The following LILRB1 variants were observed in gnomAD, a reference collection of about 807,000 sequenced individuals.
The protein encoded by LILRB1 is leukocyte immunoglobulin like receptor B1.
Under a neutral mutation model 74.6 loss-of-function variants are expected in LILRB1, and 59 were observed. The ratio of observed to expected loss-of-function variants is 0.79; its 90% confidence interval spans 0.64 to 0.98. The LOEUF is 0.98. LILRB1 is among the 50% of genes least tolerant of loss of function. LILRB1 has a pLI of 0.00. For missense variants in LILRB1, 804 were observed against 822.6 expected, an observed-to-expected ratio of 0.98 and a Z score of 0.28; for synonymous variants, 328 against 333.9, an observed-to-expected ratio of 0.98 and a Z score of 0.19.
At chr19:54,634,167 A>C in intron 9 of LILRB1, 146 bp downstream of exon 9, 2 of 1,516,172 alleles carry the variant, frequency 1.3e-6, no homozygotes, top group Non-Finnish European at 1.8e-6. Flanking sequence ...TGTAAAGGTG[A>C]GAGGCCTGCG....
chr19:54,617,553 C>CTGTGTGTGTG (rs55635122), intron 1 of LILRB1, among the ~76,000 whole-genome samples: 2,817 of 143,266 alleles, frequency 0.02, 34 homozygotes, highest in African/African-American at 0.039. Context: ...TACAGGATGT[C>CTGTGTGTGTG]TGTGTGTGTG....
At chr19:54,627,916 T>C (rs899827216), upstream of LILRB1, among the ~76,000 whole-genome samples, 3 of 152,176 alleles carry the variant, frequency 2.0e-5, no homozygotes, top group Non-Finnish European at 2.9e-5. Context: ...CACTTGAACA[T>C]AAATTTAATT....
intron 4 of LILRB1, 31 bp from the exon 5 acceptor site, chr19:54,631,904 A>G (rs777749948): frequency 1.3e-6 from 2 of 1,594,998 alleles, no homozygotes; most frequent in Non-Finnish European, 1.7e-6. Flanking sequence ...GGTCTGAGCC[A>G]CATTTAACAC....
At chr19:54,634,448 G>T in intron 9 of LILRB1, 193 bp from the exon 10 acceptor site, 1 of 1,521,380 alleles carries the variant, frequency 6.6e-7, no homozygotes, top group Non-Finnish European at 8.9e-7. Flanking sequence ...TTCCTGGCTG[G>T]GGGCCCCGGG....
At chr19:54,626,517 T>C (rs7257593), upstream of LILRB1, among the ~76,000 whole-genome samples, 8,630 of 152,330 alleles carry the variant, frequency 0.057, 278 homozygotes, top group Non-Finnish European at 0.063. Flanking sequence ...TTTTCTACTT[T>C]ATTCATTTCT....
intron 13 of LILRB1, chr19:54,636,000 C>T (rs1193189919): frequency 9.0e-6 from 5 of 552,690 alleles, no homozygotes; most frequent in South Asian, 1.5e-5. Context: ...GGAGGAAAGC[C>T]GCCCCCGCCT....
intron 9 of LILRB1, 166 bp downstream of exon 9, chr19:54,634,187 G>C: frequency 6.6e-7 from 1 of 1,504,074 alleles, no homozygotes; most frequent in Non-Finnish European, 8.9e-7. Context: ...GGGTGGGAAA[G>C]TTCCTTTCAG....
intron 1 of LILRB1, among the ~76,000 whole-genome samples, chr19:54,621,819 G>A (rs2063465666): frequency 6.6e-6 from 1 of 152,130 alleles, no homozygotes; most frequent in South Asian, 2.1e-4. Flanking sequence ...CATAGTTTCA[G>A]GTCTCACATT....
In LILRB1 at chr19:54,637,765, T is replaced by A. The variant is rs1453764065; in HGVS notation, c.*887T>A. 2.6e-5 allele frequency among the ~76,000 whole-genome samples: 4 copies of A among 152,122 alleles called. No individual in the cohort carries two copies. The highest frequency in any genetic ancestry group is 5.9e-5 in the Non-Finnish European group (4 of 68,024). ...GAGAAAGAAAGAGCAGGCATGCATT[T>A]CCATATGGGAGTGAGCCAGCAGACA... is the stretch of plus-strand genomic sequence containing the variant. On this transcript the variant is annotated 3_prime_UTR_variant, in exon 15 of 15. Coordinates refer to ENST00000324602, the MANE Select transcript of LILRB1 (RefSeq NM_001081637.3).
At position 54,617,913 on chromosome 19, in the gene LILRB1, C is replaced by T. The variant is rs376546629; in HGVS notation, c.-166+564C>T. On this transcript the variant is annotated intron_variant, in intron 1 of 15. Coordinates refer to the LILRB1 transcript ENST00000396331. The stretch of plus-strand genomic sequence containing the variant: ...GATCAGGAGTTCAAGACCAGCCTGG[C>T]CAACATGGTGAATCCCTGTCTCTAC... 5.0e-4 allele frequency among the ~76,000 whole-genome samples: 76 copies of T among 151,748 alleles called. 1 individual carries two copies. The South Asian group carries it at 0.015, about 30-fold the overall frequency.
intron 1 of LILRB1, among the ~76,000 whole-genome samples, chr19:54,622,860 G>A (rs533333940): frequency 6.6e-6 from 1 of 152,244 alleles, no homozygotes; most frequent in South Asian, 2.1e-4. Context: ...CTAGTCTGTT[G>A]AGGGATTTTA....
intron 1 of LILRB1, 22 bp from the exon 2 acceptor site, chr19:54,631,004 G>T (rs1428438517): frequency 1.2e-6 from 2 of 1,613,918 alleles, no homozygotes; most frequent in African/African-American, 2.7e-5. Flanking sequence ...GCCACACTCT[G>T]TGTGTCTCTC....
Position 54,636,724 on chromosome 19 carries a change from C to A in LILRB1, c.1813-8C>A. 2 of 1,611,232 alleles carry A rather than the reference C, an allele frequency of 1.2e-6. No homozygotes were observed. Among genetic ancestry groups the A allele is most frequent in the African/African-American group, 1.3e-5 (1 of 74,476 alleles). ...ACGTTCCTTCCCTCTCACTCTCCCC[C>A]GCTGCAGGCTGCTGCATCTGAAGCC... On this transcript the variant is annotated splice_polypyrimidine_tract_variant and splice_region_variant and intron_variant, in intron 14 of 14. Coordinates refer to ENST00000324602, the MANE Select transcript of LILRB1 (RefSeq NM_001081637.3).
Position 54,631,749 on chromosome 19 carries a change from G to C in LILRB1, c.320G>C (p.Arg107Pro), listed in dbSNP as rs142396802. ...RCYYGSDTAG[R>P]SESSDPLELV... ...TACTATGGTAGCGACACTGCAGGCCGCTCAGAGAGCAGTGACCCCCTGGAG... is the reference window on the plus strand; with the variant it reads ...TACTATGGTAGCGACACTGCAGGCCCCTCAGAGAGCAGTGACCCCCTGGAG... Residue 107 changes from arginine to proline, a missense_variant, in exon 4 of 15, where the codon CGC becomes CCC. Arg to Pro is a moderately radical substitution (Grantham distance 103, BLOSUM62 -2). Transcript: ENST00000324602. The C allele has an allele frequency of 5.0e-6, 8 of 1,611,952 alleles. No homozygotes were observed. In the African/African-American group the frequency reaches 9.3e-5, roughly 19 times the overall value.
At position 54,630,533 on chromosome 19, in the gene LILRB1, C is replaced by G; in HGVS notation, c.-149C>G. On this transcript the variant is annotated 5_prime_UTR_variant, in exon 1 of 15. Coordinates refer to ENST00000324602, the MANE Select transcript of LILRB1 (RefSeq NM_001081637.3). ...CACACGCAGCTCAGCCTGGGCGGCA[C>G]AGCCAGATGCGAGATGCGTCTCTGC... The G allele has an allele frequency of 1.8e-6, 1 of 540,998 alleles. No homozygotes were observed. Among genetic ancestry groups the G allele is most frequent in the Non-Finnish European group, 3.4e-6 (1 of 291,504 alleles). The allele number at this position is 540,998 out of a possible 1,614,324, so 33.5% of individuals were successfully genotyped here.
At chr19:54,628,085 C>T (rs1327340171), upstream of LILRB1, among the ~76,000 whole-genome samples, 1 of 152,176 alleles carries the variant, frequency 6.6e-6, no homozygotes, top group African/African-American at 2.4e-5. Context: ...GGACCTCACA[C>T]TCTGTATTTG....
Position 54,637,845 on chromosome 19 carries a change from C to T in LILRB1, c.*967C>T, listed in dbSNP as rs1219066659. Among the ~76,000 whole-genome samples, 2 of 152,116 alleles carry T rather than the reference C, an allele frequency of 1.3e-5. No individual in the cohort carries two copies. Among genetic ancestry groups the T allele is most frequent in the Non-Finnish European group, 2.9e-5 (2 of 68,032 alleles). On this transcript the variant is annotated 3_prime_UTR_variant, in exon 15 of 15. Coordinates refer to ENST00000324602, the MANE Select transcript of LILRB1 (RefSeq NM_001081637.3). ...AACTAACAATGGAACAGGCGGCAAA[C>T]CTATGCCAATATACTAGAAATTGCA...
rs1179464349 is a variant in LILRB1 at position 54,634,725 on chromosome 19, T to C, written c.1448T>C (p.Ile483Thr). The C allele has an allele frequency of 6.2e-7, 1 of 1,613,870 alleles. No homozygotes were observed. The highest frequency in any genetic ancestry group is 1.1e-5 in the South Asian group (1 of 91,046). Residue 483 changes from isoleucine to threonine, a missense_variant, in exon 10 of 15, where the codon ATC becomes ACC. By Grantham distance (89) the Ile-to-Thr change is moderately conservative. Transcript: ENST00000324602. ...CTCCTCCTCCTCCTCCTCTTCCTCATCCTCCGACATCGACGTCAGGGCAAA... is the reference window on the plus strand; with the variant it reads ...CTCCTCCTCCTCCTCCTCTTCCTCACCCTCCGACATCGACGTCAGGGCAAA... ...LLLLLLLLFL[I>T]LRHRRQGKHW... is the part of the protein sequence containing the mutation.
upstream of LILRB1, among the ~76,000 whole-genome samples, chr19:54,625,479 T>A (rs2063556173): frequency 6.6e-6 from 1 of 152,134 alleles, no homozygotes; most frequent in Non-Finnish European, 1.5e-5. Flanking sequence ...GGGAACTCCC[T>A]GTGCCTCTGT....
Sources: allele counts gnomAD v4.1 joint callset (sites outside exome capture counted in the v4.1 genomes callset), GRCh38; gene constraint gnomAD v4.1.1; transcripts MANE v1.5; gene names NCBI Gene and HGNC (gene_info 2026-07-23, HGNC 2026-07-21).